ARHGEF7: variants seen among roughly 807,000 people sequenced by gnomAD.
ARHGEF7 encodes PAK-interacting exchange factor beta.
In ARHGEF7, 33 loss-of-function variants were observed where a neutral mutation model predicts 109.8. That is an observed-to-expected ratio of 0.30 (90% CI 0.23 to 0.40). The LOEUF (loss-of-function observed/expected upper bound fraction) is 0.40, where lower values mean the gene tolerates loss of function less well. ARHGEF7 is among the 10% of genes least tolerant of loss of function. ARHGEF7 has a pLI of 1.00. For missense variants in ARHGEF7, 938 were observed against 1,098.5 expected, an observed-to-expected ratio of 0.85 and a Z score of 2.07; for synonymous variants, 458 against 424.6, an observed-to-expected ratio of 1.08 and a Z score of -0.97.
At chr13:111,161,525 A>C (rs2076741637) in intron 2 of ARHGEF7, among the ~76,000 whole-genome samples, 1 of 152,200 alleles carries the variant, frequency 6.6e-6, no homozygotes, top group African/African-American at 2.4e-5. Flanking sequence ...GTGCCTGGTA[A>C]GTTGGAGGTG....
At chr13:111,223,959 C>T (rs1230473239) in intron 5 of ARHGEF7, among the ~76,000 whole-genome samples, 1 of 151,482 alleles carries the variant, frequency 6.6e-6, no homozygotes. Flanking sequence ...TGGGTTCAAG[C>T]GATTCTCCTA....
At chr13:111,242,583 A>G (rs1469502052) in intron 6 of ARHGEF7, among the ~76,000 whole-genome samples, 1 of 152,240 alleles carries the variant, frequency 6.6e-6, no homozygotes. Context: ...CCTGATTTAA[A>G]AAGCACTAGC....
chr13:111,212,448 G>A (rs1225558783), intron 4 of ARHGEF7, among the ~76,000 whole-genome samples: 2 of 152,166 alleles, frequency 1.3e-5, no homozygotes, highest in East Asian at 1.9e-4. Flanking sequence ...GACACCGCTG[G>A]AATTCCTGGT....
intron 16 of ARHGEF7, 182 bp downstream of exon 16, chr13:111,283,545 C>A: frequency 1.4e-6 from 1 of 702,112 alleles, no homozygotes; most frequent in Non-Finnish European, 1.8e-6. Context: ...CCCGTGGTAA[C>A]CTGTGTGGGA....
intron 1 of ARHGEF7, among the ~76,000 whole-genome samples, chr13:111,121,865 T>A (rs1008158923): frequency 6.6e-6 from 1 of 151,880 alleles, no homozygotes; most frequent in African/African-American, 2.4e-5. Flanking sequence ...ATGAATGATA[T>A]CCACTGGTGG....
At chr13:111,179,081 C>CTTCTTT (rs1555355342) in intron 2 of ARHGEF7, among the ~76,000 whole-genome samples, 1 of 89,530 alleles carries the variant, frequency 1.1e-5, no homozygotes. Context: ...AATGCCTGTT[C>CTTCTTT]TTTTTTTTTT....
At chr13:111,186,888 TA>T in intron 2 of ARHGEF7, 4 of 985,516 alleles carry the variant, frequency 4.1e-6, no homozygotes, top group Non-Finnish European at 4.8e-6. Context: ...AAAAGACGAC[TA>T]CTTCTTTCCC....
chr13:111,211,949 A>G (rs2082549524), intron 4 of ARHGEF7, among the ~76,000 whole-genome samples: 1 of 152,174 alleles, frequency 6.6e-6, no homozygotes, highest in Admixed American at 6.5e-5. Flanking sequence ...AGATTGCGTA[A>G]GACGCTTCCA....
intron 4 of ARHGEF7, among the ~76,000 whole-genome samples, chr13:111,212,733 A>G (rs1346595176): frequency 6.6e-6 from 1 of 152,150 alleles, no homozygotes; most frequent in Non-Finnish European, 1.5e-5. Context: ...TTATATCCAA[A>G]TGTATTGTAC....
chr13:111,279,934 G>C (rs1160769263), intron 13 of ARHGEF7, among the ~76,000 whole-genome samples: 1 of 152,124 alleles, frequency 6.6e-6, no homozygotes, highest in Admixed American at 6.5e-5. Context: ...TAAAACAACT[G>C]TTATACACGG....
chr13:111,176,238 A>G (rs1017982499), intron 2 of ARHGEF7, among the ~76,000 whole-genome samples: 1 of 152,186 alleles, frequency 6.6e-6, no homozygotes, highest in Admixed American at 6.5e-5. Flanking sequence ...CTGCTGGAGG[A>G]TTTTAAGCCT....
chr13:111,126,312 A>G (rs879722304), intron 1 of ARHGEF7, among the ~76,000 whole-genome samples: 14 of 152,136 alleles, frequency 9.2e-5, no homozygotes, highest in Non-Finnish European at 1.9e-4. Context: ...CCAACATGGT[A>G]AAACCCTGTC....
At chr13:111,223,765 C>A (rs1338336577) in intron 5 of ARHGEF7, among the ~76,000 whole-genome samples, 3 of 152,002 alleles carry the variant, frequency 2.0e-5, no homozygotes, top group Non-Finnish European at 4.4e-5. Flanking sequence ...TGAATATGTA[C>A]AGTACAGTCT....
chr13:111,263,348 G>A (rs1010689366), intron 8 of ARHGEF7, among the ~76,000 whole-genome samples: 3 of 152,172 alleles, frequency 2.0e-5, no homozygotes, highest in Non-Finnish European at 4.4e-5. Context: ...GAATTAAATA[G>A]GAAAAACCAC....
intron 20 of ARHGEF7, 68 bp downstream of exon 20, chr13:111,300,915 A>G (rs1022731016): frequency 3.1e-6 from 3 of 952,462 alleles, no homozygotes; most frequent in South Asian, 1.8e-5. Flanking sequence ...AGTCCAGACA[A>G]CTCCCTGAGG....
At chr13:111,213,009 G>A (rs747335526) in intron 4 of ARHGEF7, among the ~76,000 whole-genome samples, 11 of 152,204 alleles carry the variant, frequency 7.2e-5, no homozygotes, top group Non-Finnish European at 1.5e-4. Flanking sequence ...TTGTGTCTCC[G>A]TCCTTTGGCA....
chr13:111,249,976 T>G (rs1384938727), intron 8 of ARHGEF7, among the ~76,000 whole-genome samples: 1 of 152,266 alleles, frequency 6.6e-6, no homozygotes, highest in Non-Finnish European at 1.5e-5. Context: ...ATGCTACTTT[T>G]GAGTGCCTCT....
chr13:111,281,683 T>G (rs914070352), intron 15 of ARHGEF7, among the ~76,000 whole-genome samples: 2 of 152,188 alleles, frequency 1.3e-5, no homozygotes, highest in African/African-American at 4.8e-5. Flanking sequence ...TAAAGAACAG[T>G]GGATGAGCTG....
rs147643365 is a variant in ARHGEF7 at position 111,145,308 on chromosome 13, T to C, written c.166-8597T>C. On this transcript the variant is annotated intron_variant, in intron 1 of 21. Transcript: ENST00000646102. The surrounding 1 kb of genome is among the most constrained non-coding windows in gnomAD (Gnocchi z 4.3). The stretch of plus-strand genomic sequence containing the variant: ...AGGTTAGGGCCAGGCAGAAAACAGA[T>C]AGATGGCACACTGAACAGAGGTGGT... Among the ~76,000 whole-genome samples, 1,154 of 152,198 alleles carry C rather than the reference T, an allele frequency of 7.6e-3. 15 individuals are homozygous for C. Among genetic ancestry groups the C allele is most frequent in the African/African-American group, 0.026 (1,098 of 41,528 alleles).
Sources: gnomAD v4.1 joint callset for allele counts (sites outside exome capture counted in the v4.1 genomes callset) on GRCh38, gnomAD v4.1.1 for gene constraint, Gnocchi (gnomAD v3.1) non-coding constraint, MANE v1.5 for transcripts, NCBI Gene and HGNC (gene_info 2026-07-23, HGNC 2026-07-21) for gene names.